ZFP64: variants seen among roughly 807,000 people sequenced by gnomAD.
The protein encoded by ZFP64 is zinc finger protein 64.
Under a neutral mutation model 51.6 loss-of-function variants are expected in ZFP64, and 14 were observed. The ratio of observed to expected loss-of-function variants is 0.27; its 90% CI spans 0.18 to 0.42. The LOEUF is 0.42. Ranked by LOEUF, ZFP64 falls within the 10% of genes least tolerant of loss-of-function variation. The pLI, the probability that ZFP64 is intolerant of heterozygous loss-of-function variation, is 1.00. For synonymous variants in ZFP64, 375 were observed against 361.4 expected, an observed-to-expected ratio of 1.04 and a Z score of -0.43; for missense variants, 754 against 906.8, an observed-to-expected ratio of 0.83 and a Z score of 2.16.
chr20:52,084,396 C>T (rs550578686), exon 9 of ZFP64: 26 of 664,644 alleles, frequency 3.9e-5, no homozygotes, highest in Admixed American at 3.2e-4. Context: ...GCTTTGCTTT[C>T]GTCACTGTCG....
chr20:52,084,436 G>C (rs1296263864), exon 9 of ZFP64: 1 of 993,530 alleles, frequency 1.0e-6, no homozygotes, highest in Non-Finnish European at 1.4e-6. Flanking sequence ...GGCCTGTGAA[G>C]TTGGAGCGGC....
At chr20:52,166,594 A>G (rs1982294697) in intron 2 of ZFP64, among the ~76,000 whole-genome samples, 2 of 151,940 alleles carry the variant, frequency 1.3e-5, no homozygotes, top group African/African-American at 4.8e-5. Context: ...AGCTGGGACT[A>G]TAGGCATGCA....
rs905645586 is a variant in ZFP64 at position 52,191,732 on chromosome 20, C to A, written c.-96G>T. The A allele has an allele frequency of 1.4e-5, 19 of 1,384,116 alleles. No homozygotes were observed. The highest frequency in any genetic ancestry group is 1.8e-5 in the Non-Finnish European group (19 of 1,047,770). The allele number at this position is 1,384,116 out of a possible 1,614,324, so 85.7% of individuals were successfully genotyped here. A position where few individuals can be genotyped will look rare whatever the true frequency, so the allele number is the denominator to read the frequency against. Reference sequence around the variant, plus strand: ...GACTTTTCCTTTTATTTTTCCACACCCCCCACCCTGCCTTCTCCCAACTCT... The same window carrying A: ...GACTTTTCCTTTTATTTTTCCACACACCCCACCCTGCCTTCTCCCAACTCT... On this transcript the variant is annotated 5_prime_UTR_variant, in exon 1 of 6. Coordinates refer to ENST00000216923, the MANE Select transcript of ZFP64 (RefSeq NM_018197.3). The surrounding 1 kb of genome is among the most constrained non-coding windows in gnomAD (Gnocchi z 4.3).
chr20:52,155,201 G>A (rs1981209309), intron 5 of ZFP64, among the ~76,000 whole-genome samples: 1 of 152,194 alleles, frequency 6.6e-6, no homozygotes, highest in Non-Finnish European at 1.5e-5. Context: ...ATAAAGAAGA[G>A]TGTAAAAGAT....
At position 52,102,107 on chromosome 20, in the gene ZFP64, CAAAA is replaced by C. The variant is rs34646115; in HGVS notation, c.764-3524_764-3521del. 1.4e-4 allele frequency among the ~76,000 whole-genome samples: 9 copies of C among 63,420 alleles called. No homozygotes were observed. In the South Asian group the frequency reaches 3.2e-3, roughly 23 times the overall value. The allele number at this position is 63,420 out of a possible 152,430, so 41.6% of individuals were successfully genotyped here. A position where few individuals can be genotyped will look rare whatever the true frequency, so the allele number is the denominator to read the frequency against. On this transcript the variant is annotated intron_variant, in intron 5 of 8. Transcript: ENST00000361387. ...AGCCTGGTGAGAGTAACTCCATCTC[CAAAA>C]AAAAAAAAAAAAAAGGCAGCAGTCT...
intron 2 of ZFP64, among the ~76,000 whole-genome samples, chr20:52,170,342 C>T (rs1206500485): frequency 1.3e-5 from 2 of 152,104 alleles, no homozygotes; most frequent in Non-Finnish European, 2.9e-5. Context: ...GTCCCAGCTA[C>T]TCAGGAGGCT....
chr20:52,117,021 G>A (rs567056085), intron 5 of ZFP64, among the ~76,000 whole-genome samples: 1 of 152,222 alleles, frequency 6.6e-6, no homozygotes, highest in East Asian at 1.9e-4. Flanking sequence ...GCAGTGAGCC[G>A]AGATCGTGCC....
chr20:52,093,320 T>C (rs1006912462), intron 7 of ZFP64, among the ~76,000 whole-genome samples: 1 of 151,992 alleles, frequency 6.6e-6, no homozygotes, highest in Non-Finnish European at 1.5e-5. Context: ...TTTGTATTTT[T>C]AGTAGAGATG....
chr20:52,150,480 A>T (rs971188454), downstream of ZFP64, among the ~76,000 whole-genome samples: 4 of 152,236 alleles, frequency 2.6e-5, no homozygotes, highest in Non-Finnish European at 5.9e-5. Context: ...GGCTGTAAGC[A>T]ATAAGTTTAA....
chr20:52,179,982 AT>A (rs1189872024), intron 2 of ZFP64, among the ~76,000 whole-genome samples: 1 of 152,226 alleles, frequency 6.6e-6, no homozygotes, highest in East Asian at 1.9e-4. Context: ...GATGTCTGGT[AT>A]TTTGTGGCTT....
Position 52,160,155 on chromosome 20 carries a change from C to T in ZFP64, c.731G>A (p.Ser244Asn). The change falls in exon 5 of 6, where the codon AGC becomes AAC. Residue 244 changes from serine (S) to asparagine (N), a missense_variant. Transcript: ENST00000216923. The surrounding 1 kb of genome is among the most constrained non-coding windows in gnomAD (Gnocchi z 4.2). The part of the protein sequence containing the change: ...QICPYASRNS[S>N]QLTVHLRSHT... Reference sequence around the variant, plus strand: ...GGATCGCAGGTGGACAGTGAGCTGGCTGGAGTTGCGGCTGGCGTAGGGGCA... The same window carrying T: ...GGATCGCAGGTGGACAGTGAGCTGGTTGGAGTTGCGGCTGGCGTAGGGGCA... The T allele has an allele frequency of 6.2e-7, 1 of 1,613,908 alleles. No individual in the cohort carries two copies. Among genetic ancestry groups the T allele is most frequent in the Non-Finnish European group, 8.5e-7 (1 of 1,179,974 alleles).
intron 5 of ZFP64, among the ~76,000 whole-genome samples, chr20:52,101,203 G>C (rs900845683): frequency 4.6e-5 from 7 of 152,172 alleles, no homozygotes; most frequent in Non-Finnish European, 1.0e-4. Context: ...GTCTGCAGTA[G>C]TCCTACTCCC....
intron 4 of ZFP64, among the ~76,000 whole-genome samples, chr20:52,163,348 C>T (rs1050543062): frequency 6.6e-6 from 1 of 151,810 alleles, no homozygotes. Context: ...GCAACAAGAG[C>T]GAAACTCCGT....
intron 7 of ZFP64, among the ~76,000 whole-genome samples, chr20:52,091,295 T>G (rs2078924126): frequency 6.8e-6 from 1 of 147,952 alleles, no homozygotes; most frequent in Non-Finnish European, 1.5e-5. Flanking sequence ...GCCGGAAGGT[T>G]GAGACCAGCC....
rs2078907068 is a variant in ZFP64, at chr20:52,090,101, G to A, written c.977-1458C>T. On this transcript the variant is annotated intron_variant, in intron 7 of 8. Transcript: ENST00000361387. ...AGCTCGTTCTAGATGGTCCAGGATA[G>A]AACTGAGAAGAATTATTTCCCAACA... is the stretch of plus-strand genomic sequence containing the variant. 3.9e-5 allele frequency among the ~76,000 whole-genome samples: 6 copies of A among 152,304 alleles called. No individual in the cohort carries two copies. The South Asian group carries it at 1.2e-3, about 32-fold the overall frequency.
chr20:52,152,346 C>T lies in ZFP64; in HGVS notation c.1846G>A (p.Gly616Ser), dbSNP rs1980885641. ...SSGITCTDFE[G>S]LNALIQEGTA... ...CCCTCCTGAATCAAGGCGTTTAGGC[C>T]TTCAAAGTCAGTGCAAGTAATACCC... The change falls in exon 6 of 6, where the codon GGC becomes AGC. Residue 616 changes from glycine (G) to serine (S), a missense_variant. Physicochemically the swap from Gly to Ser is moderately conservative, Grantham distance 56 (BLOSUM62 0). Coordinates refer to ENST00000216923, the MANE Select transcript of ZFP64 (RefSeq NM_018197.3). 6.2e-7 allele frequency: 1 copy of T among 1,614,106 alleles called. No individual in the cohort carries two copies. The highest frequency in any genetic ancestry group is 1.3e-5 in the African/African-American group (1 of 74,934).
At chr20:52,150,944 C>T (rs923725034), downstream of ZFP64, among the ~76,000 whole-genome samples, 5 of 152,336 alleles carry the variant, frequency 3.3e-5, no homozygotes, top group Admixed American at 6.5e-5. Context: ...CTCTCTCAGT[C>T]CACTCATCTG....
At chr20:52,106,563 G>T (rs1439998995) in intron 5 of ZFP64, among the ~76,000 whole-genome samples, 1 of 152,110 alleles carries the variant, frequency 6.6e-6, no homozygotes, top group Non-Finnish European at 1.5e-5. Context: ...CGAACCCCAC[G>T]GCGGGGCCTG....
At chr20:52,091,182 G>A (rs148763017) in intron 7 of ZFP64, among the ~76,000 whole-genome samples, 308 of 152,078 alleles carry the variant, frequency 2.0e-3, no homozygotes, top group Non-Finnish European at 3.4e-3. Context: ...AAACAAAAAC[G>A]TATTACATTT....
Sources: allele counts gnomAD v4.1 joint callset (sites outside exome capture counted in the v4.1 genomes callset), GRCh38; gene constraint gnomAD v4.1.1; non-coding constraint Gnocchi (gnomAD v3.1); transcripts MANE v1.5; gene names NCBI Gene and HGNC (gene_info 2026-07-23, HGNC 2026-07-21).